The following CLHC1 variants were observed in gnomAD, a reference collection of about 807,000 sequenced individuals.
CLHC1 encodes the protein clathrin heavy chain linker domain-containing protein 1.
A neutral mutation model predicts 69.5 loss-of-function variants in CLHC1; 72 were observed. That is an observed-to-expected ratio of 1.04 (90% CI 0.86 to 1.26). The LOEUF is 1.26. Ranked by LOEUF, CLHC1 falls within the 50% of genes most tolerant of loss-of-function variation. The probability of loss-of-function intolerance (pLI) is 0.00; values close to 1 mark genes in which losing one functional copy is unlikely to be tolerated. For synonymous variants in CLHC1, 223 were observed against 224.3 expected (o/e 0.99, Z 0.05); for missense variants, 790 against 679.3 (o/e 1.16, Z -1.81).
In CLHC1 at chr2:55,206,384, C is replaced by A. The variant is rs2103912702; in HGVS notation, c.900-8G>T. 6.7e-7 allele frequency: 1 copy of A among 1,501,100 alleles called. No homozygotes were observed. The highest frequency in any genetic ancestry group is 9.3e-7 in the Non-Finnish European group (1 of 1,079,444). The allele number at this position is 1,501,100 out of a possible 1,614,324, so 93.0% of individuals were successfully genotyped here. A position where few individuals can be genotyped will look rare whatever the true frequency, so the allele number is the denominator to read the frequency against. ...GAGATTAACTCATTAAACCTATAGCCATCACATTTTAAAATGCATTATAAT... is the reference window on the plus strand; with the variant it reads ...GAGATTAACTCATTAAACCTATAGCAATCACATTTTAAAATGCATTATAAT... On this transcript the variant is annotated splice_polypyrimidine_tract_variant and splice_region_variant and intron_variant, in intron 8 of 12. Transcript: ENST00000401408.
At position 55,181,626 on chromosome 2, in the gene CLHC1, T is replaced by C. The variant is rs1236328811; in HGVS notation, c.1125A>G (p.Lys375=). Residue 375 remains lysine, a synonymous_variant, in exon 10 of 13, where the codon AAA becomes AAG. Transcript: ENST00000401408. Reference sequence around the variant, plus strand: ...CTAACCGTTTTTCTGATAATCCACATTTGATTCCTTCCAGGGTTAGAGCTG... The same window carrying C: ...CTAACCGTTTTTCTGATAATCCACACTTGATTCCTTCCAGGGTTAGAGCTG... ...VDAALTLEGI[K]CGLSEKRLDL... is the part of the protein sequence containing the mutation. 1.2e-6 allele frequency: 2 copies of C among 1,613,510 alleles called. No homozygotes were observed. The highest frequency in any genetic ancestry group is 1.3e-5 in the African/African-American group (1 of 74,874).
In CLHC1 at chr2:55,175,012, T is replaced by C. The variant is rs1313625873; in HGVS notation, c.*778A>G. 6.6e-6 allele frequency: 1 copy of C among 152,172 alleles called. No homozygotes were observed. The highest frequency in any genetic ancestry group is 2.4e-5 in the African/African-American group (1 of 41,430). 9.4% of individuals were successfully genotyped at this position (152,172 alleles called of 1,614,324 possible). ...AAAGGCTGTTCTGATTAATTAGGTA[T>C]CTGTTCTGCTTGATTTGTGCCCATG... On this transcript the variant is annotated 3_prime_UTR_variant, in exon 13 of 13. Transcript: ENST00000401408.
chr2:55,231,799 T>C (rs983873468), intron 1 of CLHC1: 1 of 152,192 alleles, frequency 6.6e-6, no homozygotes, highest in Non-Finnish European at 1.5e-5. Flanking sequence ...TACAACTAAA[T>C]AACCATTCTG....
At chr2:55,200,654 C>T (rs10167895) in intron 9 of CLHC1, among the ~76,000 whole-genome samples, 27,369 of 152,038 alleles carry the variant, frequency 0.18, 3,059 homozygotes, top group African/African-American at 0.31. Flanking sequence ...AATCATCAGA[C>T]TTGATCTGCA....
intron 11 of CLHC1, among the ~76,000 whole-genome samples, chr2:55,178,117 T>C (rs765470658): frequency 2.0e-5 from 3 of 152,202 alleles, no homozygotes; most frequent in Non-Finnish European, 2.9e-5. Context: ...TCACTTACTC[T>C]TTTGGAACTC....
At chr2:55,232,385 C>T (rs926930745), upstream of CLHC1, 3 of 278,440 alleles carry the variant, frequency 1.1e-5, no homozygotes, top group African/African-American at 6.6e-5. Context: ...CATTTCCTAC[C>T]TCTTCCCCAA....
At chr2:55,212,630 A>G (rs1212153180) in intron 5 of CLHC1, 43 bp downstream of exon 5, 1 of 1,500,884 alleles carries the variant, frequency 6.7e-7, no homozygotes, top group Admixed American at 1.8e-5. Context: ...AAAATTGGAA[A>G]TAATCAGGAT....
intron 7 of CLHC1, 144 bp from the exon 8 acceptor site, chr2:55,208,854 G>A (rs868447197): frequency 3.6e-5 from 15 of 420,166 alleles, no homozygotes; most frequent in South Asian, 4.5e-5. Context: ...TGGCCTCCCC[G>A]TCCCTTTCCT....
Position 55,217,970 on chromosome 2 carries a change from G to A in CLHC1, c.206C>T (p.Ser69Phe). ...KVIEHITAYK[S>F]ILTSIKKEYD... The stretch of plus-strand genomic sequence containing the variant: ...TTCTTTTTTGATTGAAGTAAGAATG[G>A]ATTTGTATGCAGTGATATGCTCTAT... The change falls in exon 4 of 13, where the codon TCC becomes TTC. Residue 69 changes from serine (S) to phenylalanine (F), a missense_variant. Ser to Phe is a radical substitution (Grantham distance 155, BLOSUM62 -2). Coordinates refer to ENST00000401408, the MANE Select transcript of CLHC1 (RefSeq NM_152385.4). 1 of 1,574,752 alleles carries A rather than the reference G, an allele frequency of 6.4e-7. No homozygotes were observed.
rs984686075 is a variant in CLHC1, at chr2:55,223,464, A to T, written c.-82-971T>A. 5.9e-5 allele frequency among the ~76,000 whole-genome samples: 9 copies of T among 152,204 alleles called. No individual in the cohort carries two copies. In the East Asian group the frequency reaches 1.7e-3, roughly 30 times the overall value. ...AGCGCGCTGTGGGCCGGCCCCGCGC[A>T]GCCTCAGGGCACCTCCCGCTCGCCG... On this transcript the variant is annotated intron_variant, in intron 2 of 12. Transcript: ENST00000401408.
At chr2:55,222,674 C>A (rs994568199) in intron 2 of CLHC1, among the ~76,000 whole-genome samples, 181 bp from the exon 3 acceptor site, 2 of 151,746 alleles carry the variant, frequency 1.3e-5, no homozygotes, top group African/African-American at 4.8e-5. Flanking sequence ...AATCCCAGCT[C>A]TTTGGGAGGC....
chr2:55,229,784 T>C (rs989835253), intron 1 of CLHC1, among the ~76,000 whole-genome samples: 4 of 152,154 alleles, frequency 2.6e-5, no homozygotes, highest in African/African-American at 4.8e-5. Context: ...TTTTAAAGAA[T>C]TGTTCTTGGC....
At chr2:55,218,052 G>C in intron 3 of CLHC1, 54 bp from the exon 4 acceptor site, 1 of 935,252 alleles carries the variant, frequency 1.1e-6, no homozygotes, top group East Asian at 2.9e-5. Context: ...GGAGGCTATG[G>C]ATTGAAATTC....
intron 9 of CLHC1, 62 bp from the exon 10 acceptor site, chr2:55,181,806 C>T (rs2103690554): frequency 8.0e-7 from 1 of 1,255,906 alleles, no homozygotes; most frequent in Non-Finnish European, 1.1e-6. Flanking sequence ...TTTTTCTTAT[C>T]TCATATTACT....
intron 9 of CLHC1, among the ~76,000 whole-genome samples, chr2:55,185,480 A>G (rs1670335750): frequency 6.6e-6 from 1 of 152,194 alleles, no homozygotes; most frequent in Non-Finnish European, 1.5e-5. Context: ...AACTATTAAT[A>G]TGCCTTTTTT....
intron 11 of CLHC1, 35 bp downstream of exon 11, chr2:55,180,475 T>C (rs373657182): frequency 6.7e-7 from 1 of 1,503,572 alleles, no homozygotes; most frequent in African/African-American, 1.4e-5. Flanking sequence ...AGCCCAGAAT[T>C]CAAATGTATA....
At chr2:55,191,043 T>G (rs1204670437) in intron 9 of CLHC1, among the ~76,000 whole-genome samples, 1 of 152,024 alleles carries the variant, frequency 6.6e-6, no homozygotes, top group African/African-American at 2.4e-5. Flanking sequence ...TCGGCAAAAG[T>G]AATGCAAACC....
At chr2:55,185,318 T>C (rs1193274708) in intron 9 of CLHC1, among the ~76,000 whole-genome samples, 1 of 152,118 alleles carries the variant, frequency 6.6e-6, no homozygotes, top group Admixed American at 6.5e-5. Flanking sequence ...CTAGAAATCA[T>C]GGCTGAAAGG....
intron 9 of CLHC1, among the ~76,000 whole-genome samples, chr2:55,185,448 A>T (rs1670333368): frequency 1.3e-5 from 2 of 152,226 alleles, no homozygotes; most frequent in South Asian, 2.1e-4. Flanking sequence ...GACAACAGGC[A>T]CAGTTGAGGG....
Sources: gnomAD v4.1 joint callset for allele counts (sites outside exome capture counted in the v4.1 genomes callset) on GRCh38, gnomAD v4.1.1 for gene constraint, MANE v1.5 for transcripts, NCBI Gene and HGNC (gene_info 2026-07-23, HGNC 2026-07-21) for gene names.